The following FBXL17 variants were observed in gnomAD, a reference collection of about 807,000 sequenced individuals.
FBXL17 encodes the protein F-box/LRR-repeat protein 17.
FBXL17 carries 22 observed loss-of-function variants against 66.2 expected under a neutral mutation model. That is an observed-to-expected ratio of 0.33 (90% CI 0.24 to 0.47). The LOEUF (loss-of-function observed/expected upper bound fraction) is 0.47. Among genes scored for constraint, FBXL17 ranks in the 20% least tolerant of loss-of-function variants. FBXL17 has a pLI of 1.00. For synonymous variants in FBXL17, 474 were observed against 400.5 expected, an observed-to-expected ratio of 1.18 and a Z score of -2.19; for missense variants, 878 against 948.2, an observed-to-expected ratio of 0.93 and a Z score of 0.97.
At chr5:108,297,036 A>C (rs2150171428) in intron 4 of FBXL17, among the ~76,000 whole-genome samples, 1 of 151,586 alleles carries the variant, frequency 6.6e-6, no homozygotes, top group African/African-American at 2.4e-5. Flanking sequence ...GAAATAATAA[A>C]CCTAGCATGC....
intron 4 of FBXL17, among the ~76,000 whole-genome samples, chr5:108,251,633 T>C (rs1490769320): frequency 1.3e-5 from 2 of 152,070 alleles, no homozygotes; most frequent in African/African-American, 2.4e-5. Flanking sequence ...AACAGAAGAA[T>C]GTAGACTGCA....
chr5:108,068,632 T>C (rs1045670770), intron 6 of FBXL17, among the ~76,000 whole-genome samples: 2 of 151,936 alleles, frequency 1.3e-5, no homozygotes, highest in Non-Finnish European at 2.9e-5. Flanking sequence ...ATTTTTTGTA[T>C]TTTTTTAGTA....
chr5:108,043,392 A>C (rs1747126546), intron 6 of FBXL17, among the ~76,000 whole-genome samples: 1 of 151,972 alleles, frequency 6.6e-6, no homozygotes, highest in South Asian at 2.1e-4. Flanking sequence ...ATCCTTTCTG[A>C]GTTCATTTTT....
At chr5:108,064,457 G>A (rs1048988921) in intron 6 of FBXL17, among the ~76,000 whole-genome samples, 4 of 152,138 alleles carry the variant, frequency 2.6e-5, no homozygotes, top group Admixed American at 2.0e-4. Flanking sequence ...CTACAAGCAG[G>A]GATGGAGATG....
chr5:108,339,660 T>C lies in FBXL17; in HGVS notation c.1506+8739A>G, dbSNP rs563308354. Among the ~76,000 whole-genome samples the C allele has an allele frequency of 2.0e-5, 3 of 151,566 alleles. No homozygotes were observed. The East Asian group carries it at 5.8e-4, about 29-fold the overall frequency. On this transcript the variant is annotated intron_variant, in intron 4 of 8. Coordinates refer to ENST00000542267, the MANE Select transcript of FBXL17 (RefSeq NM_001163315.3). Reference sequence around the variant, plus strand: ...CCAAGGAATTACACTAAAAATAATCTACTAACCATAAATTTTAAATCCAAA... The same window carrying C: ...CCAAGGAATTACACTAAAAATAATCCACTAACCATAAATTTTAAATCCAAA...
chr5:107,960,977 G>T (rs1183475751), intron 7 of FBXL17, among the ~76,000 whole-genome samples: 1 of 152,150 alleles, frequency 6.6e-6, no homozygotes, highest in Non-Finnish European at 1.5e-5. Flanking sequence ...CTGGGGAACT[G>T]AGGAGAGGTG....
Position 107,962,187 on chromosome 5 carries a change from T to C in FBXL17, c.1822+58738A>G, listed in dbSNP as rs575929554. ...TGTACAACACTGTGAATATACTCAA[T>C]GCCACTGAACCGTACGCTTAAAAAT... On this transcript the variant is annotated intron_variant, in intron 7 of 8. Coordinates refer to ENST00000542267, the MANE Select transcript of FBXL17 (RefSeq NM_001163315.3). Among the ~76,000 whole-genome samples the C allele has an allele frequency of 2.2e-4, 34 of 152,296 alleles. No homozygotes were observed. In the South Asian group the frequency reaches 5.0e-3, roughly 22 times the overall value.
rs1364081763 is a variant in FBXL17, at chr5:107,924,382, GA to G, written c.1823-43204del. On this transcript the variant is annotated intron_variant, in intron 7 of 8. Coordinates refer to ENST00000542267, the MANE Select transcript of FBXL17 (RefSeq NM_001163315.3). Reference sequence around the variant, plus strand: ...TAACTGGGTACAAGGAGTCTTATTAGAAAATATTTATTACATGTAACTGGGT... The same window carrying G: ...TAACTGGGTACAAGGAGTCTTATTAGAAATATTTATTACATGTAACTGGGT... Among the ~76,000 whole-genome samples, 46 of 152,150 alleles carry G rather than the reference GA, an allele frequency of 3.0e-4. 1 individual carries two copies. Among genetic ancestry groups the G allele is most frequent in the Non-Finnish European group, 3.8e-4 (26 of 68,022 alleles).
At chr5:107,879,563 A>G (rs1748717254) in intron 8 of FBXL17, 1 of 985,332 alleles carries the variant, frequency 1.0e-6, no homozygotes, top group Non-Finnish European at 1.2e-6. Flanking sequence ...GGTCTCGTAT[A>G]AGTTGGGATT....
intron 5 of FBXL17, among the ~76,000 whole-genome samples, chr5:108,190,659 C>T (rs1409283964): frequency 6.6e-6 from 1 of 150,932 alleles, no homozygotes; most frequent in Non-Finnish European, 1.5e-5. Flanking sequence ...AAAATGGTTT[C>T]ACTGGTCAAG....
At chr5:107,947,932 G>T (rs887242548) in intron 7 of FBXL17, among the ~76,000 whole-genome samples, 1 of 152,092 alleles carries the variant, frequency 6.6e-6, no homozygotes. Context: ...CTGAACAGAA[G>T]ATGGGTTTAG....
At chr5:108,323,743 C>T (rs1279439101) in intron 4 of FBXL17, among the ~76,000 whole-genome samples, 1 of 151,988 alleles carries the variant, frequency 6.6e-6, no homozygotes, top group Non-Finnish European at 1.5e-5. Context: ...GGCAAAAAGA[C>T]AGACATAGAC....
intron 7 of FBXL17, among the ~76,000 whole-genome samples, chr5:107,938,337 G>T (rs943145695): frequency 2.6e-5 from 4 of 151,498 alleles, no homozygotes; most frequent in Admixed American, 2.6e-4. Flanking sequence ...TTGCTTATCA[G>T]TAATCAAAAA....
intron 5 of FBXL17, among the ~76,000 whole-genome samples, chr5:108,187,630 T>C (rs1231628241): frequency 1.3e-5 from 2 of 152,064 alleles, no homozygotes; most frequent in East Asian, 1.9e-4. Flanking sequence ...AGCTTTAGAG[T>C]TGGAAACAGC....
chr5:107,882,120 A>G (rs1256578823), intron 7 of FBXL17, among the ~76,000 whole-genome samples: 1 of 152,160 alleles, frequency 6.6e-6, no homozygotes, highest in East Asian at 1.9e-4. Flanking sequence ...GTGAATCAAA[A>G]CCCTGAAAAC....
chr5:108,255,584 A>C (rs1756541968), intron 4 of FBXL17, among the ~76,000 whole-genome samples: 1 of 152,210 alleles, frequency 6.6e-6, no homozygotes, highest in Non-Finnish European at 1.5e-5. Context: ...ATTAGGCTTA[A>C]TCTCAGGAGT....
intron 7 of FBXL17, among the ~76,000 whole-genome samples, chr5:107,967,396 T>C (rs981434934): frequency 3.9e-5 from 6 of 151,928 alleles, no homozygotes; most frequent in African/African-American, 1.2e-4. Context: ...CAGCTAAGTT[T>C]ATATACCCTT....
At chr5:108,288,306 A>C (rs978153980) in intron 4 of FBXL17, among the ~76,000 whole-genome samples, 18 of 152,006 alleles carry the variant, frequency 1.2e-4, no homozygotes, top group Non-Finnish European at 2.9e-5. Flanking sequence ...ACATTTAGAA[A>C]AAAAAAAAAG....
chr5:108,381,372 AG>A lies in FBXL17; in HGVS notation c.319del (p.Leu107TrpfsTer251). On this transcript the variant is annotated frameshift_variant, in exon 1 of 9. Coordinates refer to ENST00000542267, the MANE Select transcript of FBXL17 (RefSeq NM_001163315.3). LOFTEE classifies it high-confidence loss of function. ...SQHLARRYAA[L>X]AAEDCAAAAR... is the part of the protein sequence containing the mutation. The stretch of plus-strand genomic sequence containing the variant: ...AGCAGCGGCGCAGTCCTCGGCGGCC[AG>A]GGCCGCGTAGCGCCGCGCCAGGTGC... 7.5e-7 allele frequency: 1 copy of A among 1,329,496 alleles called. No individual in the cohort carries two copies. The highest frequency in any genetic ancestry group is 9.5e-7 in the Non-Finnish European group (1 of 1,049,184). 82.4% of individuals were successfully genotyped at this position (1,329,496 alleles called of 1,614,324 possible). A position where few individuals can be genotyped will look rare whatever the true frequency, so the allele number is the denominator to read the frequency against.
Sources: allele counts gnomAD v4.1 joint callset (sites outside exome capture counted in the v4.1 genomes callset), GRCh38; gene constraint gnomAD v4.1.1; transcripts MANE v1.5; gene names NCBI Gene and HGNC (gene_info 2026-07-23, HGNC 2026-07-21).